The following SLC2A14 variants were observed in gnomAD, a reference collection of about 807,000 sequenced individuals.
SLC2A14 encodes the protein solute carrier family 2 member 14.
A neutral mutation model predicts 43.0 loss-of-function variants in SLC2A14; 13 were observed. The observed-to-expected ratio is 0.30, with a 90% confidence interval of 0.20 to 0.48. The LOEUF (loss-of-function observed/expected upper bound fraction) is 0.48. Among genes scored for constraint, SLC2A14 ranks in the 20% least tolerant of loss-of-function variants. The probability of loss-of-function intolerance (pLI) is 0.99; values close to 1 mark genes in which losing one functional copy is unlikely to be tolerated. For missense variants in SLC2A14, 428 were observed against 620.4 expected, an observed-to-expected ratio of 0.69 and a Z score of 3.29; for synonymous variants, 190 against 233.8, an observed-to-expected ratio of 0.81 and a Z score of 1.71.
chr12:7,871,263 T>C, intron 1 of SLC2A14: 1 of 1,197,124 alleles, frequency 8.4e-7, no homozygotes, highest in South Asian at 2.2e-5. Flanking sequence ...GCTTCACAGA[T>C]GAAGAAGTGG....
intron 7 of SLC2A14, among the ~76,000 whole-genome samples, chr12:7,826,858 CTTTTTTCTTTCTTTCTTT>C (rs1864419371): frequency 4.6e-5 from 2 of 43,190 alleles, no homozygotes; most frequent in African/African-American, 1.1e-4. Flanking sequence ...TCCTTCCTTT[CTTTTTTCTTTCTTTCTTT>C]CTTTCTTTCT....
chr12:7,883,929 T>TTTC (rs746425699), intron 1 of SLC2A14, among the ~76,000 whole-genome samples: 1 of 55,852 alleles, frequency 1.8e-5, no homozygotes, highest in Non-Finnish European at 4.1e-5. Context: ...TCTTTCTTTC[T>TTTC]TTTTTTTTGT....
chr12:7,837,937 T>C (rs1471052840), intron 2 of SLC2A14, among the ~76,000 whole-genome samples: 2 of 152,000 alleles, frequency 1.3e-5, no homozygotes, highest in African/African-American at 4.8e-5. Flanking sequence ...GTTGTGTTTT[T>C]AGTAGAGGTG....
chr12:7,821,991 A>C (rs1004366033), intron 7 of SLC2A14, among the ~76,000 whole-genome samples: 7 of 151,194 alleles, frequency 4.6e-5, no homozygotes, highest in Admixed American at 4.6e-4. Context: ...GGCCTGGCTA[A>C]TTTTTTGTAT....
chr12:7,828,986 G>C lies in SLC2A14; in HGVS notation c.514-120C>G, dbSNP rs762034921. The C allele has an allele frequency of 4.3e-5, 54 of 1,246,826 alleles. No individual in the cohort carries two copies. In the Middle Eastern group the frequency reaches 1.4e-3, roughly 32 times the overall value. The allele number at this position is 1,246,826 out of a possible 1,614,324, so 77.2% of individuals were successfully genotyped here. A position where few individuals can be genotyped will look rare whatever the true frequency, so the allele number is the denominator to read the frequency against. On this transcript the variant is annotated intron_variant, in intron 5 of 10. Transcript: ENST00000431042. ...GCCTGTAATTCCAGCACTTTGGAAGGCTGAGGCAGGTGGATCAGGAGTTGA... is the reference window on the plus strand; with the variant it reads ...GCCTGTAATTCCAGCACTTTGGAAGCCTGAGGCAGGTGGATCAGGAGTTGA...
intron 1 of SLC2A14, among the ~76,000 whole-genome samples, chr12:7,879,465 T>C (rs1945528698): frequency 6.6e-6 from 1 of 151,926 alleles, no homozygotes; most frequent in Non-Finnish European, 1.5e-5. Flanking sequence ...GCGGATCAAC[T>C]GAGGTCAGGA....
Position 7,818,033 on chromosome 12 carries a change from T to C in SLC2A14, c.1073A>G (p.Asn358Ser), listed in dbSNP as rs1238192642. 1.9e-6 allele frequency: 3 copies of C among 1,613,062 alleles called. No homozygotes were observed. The highest frequency in any genetic ancestry group is 2.5e-6 in the Non-Finnish European group (3 of 1,179,546). ...GACAAAGCTCATCCCATTATAGTGA[T>C]TCTGTAAGAGGAAGGAACACAGAAG... Reference protein sequence around the residue: ...TLMTVSLLLKNHYNGMSFVCI... With the variant: ...TLMTVSLLLKSHYNGMSFVCI... Residue 358 changes from asparagine (N) to serine (S), a missense_variant and splice_region_variant, in exon 10 of 11, where the codon AAT (asparagine) becomes AGT (serine). This residue lies in a region of SLC2A14 where 119 missense variants were observed against 188.7 expected (regional missense o/e 0.63). Transcript: ENST00000431042.
At chr12:7,826,992 C>T (rs1864510371) in intron 7 of SLC2A14, among the ~76,000 whole-genome samples, 1 of 136,176 alleles carries the variant, frequency 7.3e-6, no homozygotes, top group African/African-American at 2.8e-5. Context: ...TCCTTTCTCT[C>T]TTTCTCTCCT....
intron 5 of SLC2A14, among the ~76,000 whole-genome samples, chr12:7,829,418 G>T (rs1864800395): frequency 6.6e-6 from 1 of 151,600 alleles, no homozygotes; most frequent in Admixed American, 6.6e-5. Flanking sequence ...AAATTAGCTG[G>T]ACGTGGTGGT....
intron 2 of SLC2A14, among the ~76,000 whole-genome samples, chr12:7,853,470 C>T (rs977117062): frequency 1.4e-5 from 2 of 147,386 alleles, no homozygotes; most frequent in Admixed American, 6.9e-5. Context: ...GGCGTGGTGG[C>T]GCACCTGTAG....
In SLC2A14 at chr12:7,827,576, G is replaced by A. The variant is rs1465778984; in HGVS notation, c.783C>T (p.Leu261=). ...SQEKQVTVLE[L]FRVSSYRQPI... ...GCTGTCGGTAGCTGGACACTCTAAAGAGCTCCAGCACGGTGACTTGCTTTT... is the reference window on the plus strand; with the variant it reads ...GCTGTCGGTAGCTGGACACTCTAAAAAGCTCCAGCACGGTGACTTGCTTTT... Residue 261 remains leucine, a synonymous_variant, in exon 7 of 11, where the codon CTC becomes CTT. Coordinates refer to ENST00000431042, the MANE Select transcript of SLC2A14 (RefSeq NM_001286234.2). 1.9e-6 allele frequency: 3 copies of A among 1,613,176 alleles called. No individual in the cohort carries two copies. In the East Asian group the frequency reaches 6.7e-5, roughly 36 times the overall value.
At chr12:7,871,099 A>G in intron 1 of SLC2A14, 2 of 1,357,158 alleles carry the variant, frequency 1.5e-6, no homozygotes, top group Non-Finnish European at 2.0e-6. Context: ...AGGGCCCATC[A>G]ACTTCACCAC....
intron 1 of SLC2A14, among the ~76,000 whole-genome samples, chr12:7,890,638 T>C (rs1945760123): frequency 6.6e-6 from 1 of 152,168 alleles, no homozygotes; most frequent in African/African-American, 2.4e-5. Flanking sequence ...TTCAAATTGC[T>C]TTCCTTGGCA....
chr12:7,837,929 T>G (rs1592208537), intron 2 of SLC2A14, among the ~76,000 whole-genome samples: 1 of 151,896 alleles, frequency 6.6e-6, no homozygotes, highest in East Asian at 1.9e-4. Flanking sequence ...GGTTAATTGT[T>G]GTGTTTTTAG....
chr12:7,844,868 G>C (rs950571988), intron 2 of SLC2A14, among the ~76,000 whole-genome samples: 1 of 152,030 alleles, frequency 6.6e-6, no homozygotes, highest in African/African-American at 2.4e-5. Flanking sequence ...AAACAAGTGA[G>C]CTACATCTTT....
intron 7 of SLC2A14, among the ~76,000 whole-genome samples, chr12:7,824,089 C>G (rs1402101955): frequency 1.3e-5 from 2 of 152,034 alleles, no homozygotes; most frequent in Non-Finnish European, 2.9e-5. Context: ...AACCCTGTCT[C>G]TATTAAAAAT....
chr12:7,842,338 G>A (rs1214034134), intron 2 of SLC2A14, among the ~76,000 whole-genome samples: 1 of 152,064 alleles, frequency 6.6e-6, no homozygotes, highest in Non-Finnish European at 1.5e-5. Context: ...CTAAACATTC[G>A]TTTGCAGGTT....
chr12:7,890,928 T>A (rs1945765427), intron 1 of SLC2A14: 1 of 1,472,114 alleles, frequency 6.8e-7, no homozygotes, highest in Admixed American at 2.2e-5. Context: ...AGTTTTTCCC[T>A]TTTTTAAAGA....
At chr12:7,821,151 C>T in intron 8 of SLC2A14, 70 bp downstream of exon 8, 1 of 1,162,296 alleles carries the variant, frequency 8.6e-7, no homozygotes, top group African/African-American at 1.5e-5. Flanking sequence ...TGGAGCCATG[C>T]AATCCATCTT....
Sources: gnomAD v4.1 joint callset for allele counts (sites outside exome capture counted in the v4.1 genomes callset) on GRCh38, gnomAD v4.1.1 for gene constraint, gnomAD v4.1.1 regional missense constraint, MANE v1.5 for transcripts, NCBI Gene and HGNC (gene_info 2026-07-23, HGNC 2026-07-21) for gene names.